CSMD3: variants seen among roughly 807,000 people sequenced by gnomAD.
The protein encoded by CSMD3 is CUB and Sushi multiple domains 3, also known as CUB and sushi domain-containing protein 3.
CSMD3 carries 177 observed loss-of-function variants against 435.2 expected under a neutral mutation model. The ratio of observed to expected loss-of-function variants is 0.41; its 90% confidence interval spans 0.36 to 0.46. CSMD3 has a LOEUF of 0.46. Ranked by LOEUF, CSMD3 falls within the 20% of genes least tolerant of loss-of-function variation. CSMD3 has a pLI of 0.34. For synonymous variants in CSMD3, 1,656 were observed against 1,520.5 expected (o/e 1.09, Z -2.07); for missense variants, 4,265 against 4,504.6 (o/e 0.95, Z 1.52).
At chr8:112,330,315 T>C (rs554299567) in intron 45 of CSMD3, among the ~76,000 whole-genome samples, 59 of 152,074 alleles carry the variant, frequency 3.9e-4, no homozygotes, top group Non-Finnish European at 7.9e-4. Context: ...CATTCTTCAA[T>C]AGAAAATGTG....
chr8:112,472,036 C>T (rs2130750022), intron 32 of CSMD3, among the ~76,000 whole-genome samples: 1 of 152,272 alleles, frequency 6.6e-6, no homozygotes, highest in African/African-American at 2.4e-5. Context: ...ACATTGTCTT[C>T]TTAGTGCCAA....
At position 112,224,072 on chromosome 8, in the gene CSMD3, C is replaced by A. The variant is rs1272953367; in HGVS notation, c.*699G>T. ...AGCTCACTGAATAATACTGGTTACT[C>A]CATAATGGGGGAATTGGGAGGGTAG... On this transcript the variant is annotated 3_prime_UTR_variant, in exon 71 of 71. Coordinates refer to ENST00000297405, the MANE Select transcript of CSMD3 (RefSeq NM_198123.2). 1 of 152,680 alleles carries A rather than the reference C, an allele frequency of 6.5e-6. No homozygotes were observed. The highest frequency in any genetic ancestry group is 2.1e-4 in the South Asian group (1 of 4,864). 9.5% of individuals were successfully genotyped at this position (152,680 alleles called of 1,614,324 possible). A position where few individuals can be genotyped will look rare whatever the true frequency, so the allele number is the denominator to read the frequency against.
chr8:112,612,709 C>CTTTTTTTTTTTTTTTTTTTTTTTTTTT (rs532290154), intron 22 of CSMD3, among the ~76,000 whole-genome samples: 1 of 65,888 alleles, frequency 1.5e-5, no homozygotes, highest in Non-Finnish European at 2.8e-5. Context: ...TTTCTTTGTT[C>CTTTTTTTTTTTTTTTTTTTTTTTTTTT]TTTTTTTTTT....
At chr8:112,747,962 C>CAAAAAAAAAAAAAAAAAA (rs71309788) in intron 13 of CSMD3, among the ~76,000 whole-genome samples, 48 of 96,744 alleles carry the variant, frequency 5.0e-4, no homozygotes, top group African/African-American at 1.1e-3. Flanking sequence ...GACTCCGTCT[C>CAAAAAAAAAAAAAAAAAA]AAAAAAAAAA....
At chr8:112,671,877 A>C (rs905500859) in intron 16 of CSMD3, among the ~76,000 whole-genome samples, 1 of 152,070 alleles carries the variant, frequency 6.6e-6, no homozygotes, top group Non-Finnish European at 1.5e-5. Flanking sequence ...TTTTAGTATA[A>C]TTTTGAGGCT....
intron 5 of CSMD3, among the ~76,000 whole-genome samples, chr8:113,082,950 A>C (rs1322673197): frequency 6.6e-6 from 1 of 152,186 alleles, no homozygotes; most frequent in African/African-American, 2.4e-5. Context: ...TATATGAGAC[A>C]CTATTAAGCA....
intron 38 of CSMD3, among the ~76,000 whole-genome samples, chr8:112,363,775 GA>G (rs1827487624): frequency 6.6e-6 from 1 of 151,990 alleles, no homozygotes; most frequent in Non-Finnish European, 1.5e-5. Flanking sequence ...ATAGGGTTAA[GA>G]AGTGCAATGT....
chr8:112,318,187 A>G (rs1208972451), intron 47 of CSMD3, among the ~76,000 whole-genome samples: 1 of 152,044 alleles, frequency 6.6e-6, no homozygotes, highest in Non-Finnish European at 1.5e-5. Context: ...CTGTTCTACC[A>G]GAATAAGACT....
At chr8:112,437,452 GA>G (rs1814488626) in intron 32 of CSMD3, among the ~76,000 whole-genome samples, 1 of 151,996 alleles carries the variant, frequency 6.6e-6, no homozygotes, top group African/African-American at 2.4e-5. Context: ...CCTTTGTCAC[GA>G]CGGAATATGT....
intron 9 of CSMD3, among the ~76,000 whole-genome samples, chr8:112,947,393 T>C (rs1392719058): frequency 6.6e-6 from 1 of 151,714 alleles, no homozygotes; most frequent in African/African-American, 2.4e-5. Context: ...ATTGCCTCAT[T>C]TGAAACTCAC....
chr8:113,246,419 CT>C (rs1193420049), intron 3 of CSMD3, among the ~76,000 whole-genome samples: 1 of 151,886 alleles, frequency 6.6e-6, no homozygotes, highest in Non-Finnish European at 1.5e-5. Flanking sequence ...CTATGTGGTT[CT>C]TTTTTAAATG....
chr8:112,978,581 C>T (rs553935524), intron 6 of CSMD3, among the ~76,000 whole-genome samples: 13 of 152,068 alleles, frequency 8.5e-5, no homozygotes, highest in Admixed American at 1.3e-4. Flanking sequence ...TTCCCACCAA[C>T]GGTGATGAAG....
chr8:113,081,219 G>A (rs968861184), intron 5 of CSMD3, among the ~76,000 whole-genome samples: 1 of 152,000 alleles, frequency 6.6e-6, no homozygotes, highest in East Asian at 1.9e-4. Flanking sequence ...ATTTTTTCAT[G>A]TTTCCGGATA....
intron 13 of CSMD3, among the ~76,000 whole-genome samples, chr8:112,759,193 C>G (rs1034934090): frequency 6.6e-6 from 1 of 152,026 alleles, no homozygotes; most frequent in Non-Finnish European, 1.5e-5. Flanking sequence ...TTCTGACTTT[C>G]AGGAGGAAGA....
intron 6 of CSMD3, among the ~76,000 whole-genome samples, chr8:112,980,654 T>C (rs1213405378): frequency 6.6e-6 from 1 of 151,452 alleles, no homozygotes; most frequent in Non-Finnish European, 1.5e-5. Context: ...ATGACTTCTG[T>C]GAAACTTATA....
chr8:113,234,334 C>T (rs1396977570), intron 3 of CSMD3, among the ~76,000 whole-genome samples: 2 of 152,058 alleles, frequency 1.3e-5, no homozygotes, highest in Admixed American at 6.6e-5. Flanking sequence ...AAGCAGCTAA[C>T]AACATGACTC....
At chr8:112,380,901 T>C (rs1046634860) in intron 37 of CSMD3, among the ~76,000 whole-genome samples, 3 of 152,206 alleles carry the variant, frequency 2.0e-5, no homozygotes, top group Admixed American at 6.5e-5. Flanking sequence ...TCTCTCTGTT[T>C]TCCAATATGT....
intron 9 of CSMD3, among the ~76,000 whole-genome samples, chr8:112,933,542 T>G (rs1005886467): frequency 6.6e-6 from 1 of 152,094 alleles, no homozygotes; most frequent in Non-Finnish European, 1.5e-5. Context: ...ACAGTGGAAA[T>G]AGCAATGGAG....
At chr8:112,696,087 A>G (rs1313610961) in intron 13 of CSMD3, among the ~76,000 whole-genome samples, 4 of 152,208 alleles carry the variant, frequency 2.6e-5, no homozygotes, top group African/African-American at 9.6e-5. Context: ...GAGGACACAA[A>G]TGGAAGAACA....
Sources: allele counts gnomAD v4.1 joint callset (sites outside exome capture counted in the v4.1 genomes callset), GRCh38; gene constraint gnomAD v4.1.1; transcripts MANE v1.5; gene names NCBI Gene and HGNC (gene_info 2026-07-23, HGNC 2026-07-21).